The following GADD45B variants were observed in gnomAD, a reference collection of about 807,000 sequenced individuals.
The protein encoded by GADD45B is growth arrest and DNA damage-inducible protein GADD45 beta.
GADD45B carries 8 observed loss-of-function variants against 15.2 expected under a neutral mutation model. That is an observed-to-expected ratio of 0.53 (90% CI 0.31 to 0.95). The LOEUF (loss-of-function observed/expected upper bound fraction) is 0.95. Ranked by LOEUF, GADD45B falls within the 40% of genes least tolerant of loss-of-function variation. The probability of loss-of-function intolerance (pLI) is 0.05; values close to 1 mark genes in which losing one functional copy is unlikely to be tolerated. For missense variants in GADD45B, 162 were observed against 216.6 expected, an observed-to-expected ratio of 0.75 and a Z score of 1.58; for synonymous variants, 100 against 89.8, an observed-to-expected ratio of 1.11 and a Z score of -0.64.
At chr19:2,476,977 T>C (rs1419966779) in intron 2 of GADD45B, 52 bp from the exon 3 acceptor site, 1 of 1,216,888 alleles carries the variant, frequency 8.2e-7, no homozygotes, top group Admixed American at 1.8e-5. Flanking sequence ...CCCTGCACGG[T>C]GGCCCCTCCC....
At chr19:2,476,474 C>T (rs1568217150) in intron 1 of GADD45B, 55 bp from the exon 2 acceptor site, 1 of 1,598,448 alleles carries the variant, frequency 6.3e-7, no homozygotes, top group Non-Finnish European at 8.6e-7. Flanking sequence ...GGGCCGGGAG[C>T]GGAACGTAGC....
Position 2,477,597 on chromosome 19 carries a change from G to A in GADD45B, c.479G>A (p.Arg160His). The A allele has an allele frequency of 1.3e-6, 2 of 1,562,930 alleles. No homozygotes were observed. The highest frequency in any genetic ancestry group is 1.8e-6 in the Non-Finnish European group (2 of 1,133,762). The change falls in exon 4 of 4, where the codon CGC (arginine) becomes CAC (histidine). Residue 160 changes from arginine (R) to histidine (H), a missense_variant. Coordinates refer to ENST00000215631, the MANE Select transcript of GADD45B (RefSeq NM_015675.4). This position sits in a 1 kb window ranked among gnomAD's most constrained non-coding sequence, Gnocchi z 4.2. ...QWVPYISLQE[R>H] ...GTCCCCTACATCTCTCTTCAGGAAC[G>A]CTGAGGCCCTTCCCAGCAGCAGAAT...
intron 1 of GADD45B, 50 bp downstream of exon 1, chr19:2,476,452 T>C: frequency 6.4e-7 from 1 of 1,572,834 alleles, no homozygotes; most frequent in Non-Finnish European, 8.7e-7. Flanking sequence ...ACGGGATGGG[T>C]CGGGTTGGGC....
In GADD45B at chr19:2,476,608, G is replaced by A; in HGVS notation, c.124G>A (p.Glu42Lys). The change falls in exon 2 of 4, where the codon GAG becomes AAG. Residue 42 changes from glutamate (E) to lysine (K), a missense_variant. Coordinates refer to ENST00000215631, the MANE Select transcript of GADD45B (RefSeq NM_015675.4). The part of the protein sequence containing the change: ...RQDRLTVGVY[E>K]SAKLMNVDPD... ...GGATCGCCTCACAGTGGGGGTGTAC[G>A]AGTCGGCCAAGTTGATGAATGTGTG... is the stretch of plus-strand genomic sequence containing the variant. 6.3e-7 allele frequency: 1 copy of A among 1,582,018 alleles called. No individual in the cohort carries two copies. The highest frequency in any genetic ancestry group is 8.6e-7 in the Non-Finnish European group (1 of 1,160,666).
rs1280392858 is a variant in GADD45B, at chr19:2,476,128, G to T, written c.-231G>T. On this transcript the variant is annotated 5_prime_UTR_variant, in exon 1 of 4. Coordinates refer to ENST00000215631, the MANE Select transcript of GADD45B (RefSeq NM_015675.4). ...GTCGGTGCCGGAGGCTCCCAGCTCA[G>T]ATCGCCGAAGCGTCGGACTACCGTT... The T allele has an allele frequency of 5.0e-6, 3 of 596,808 alleles. No homozygotes were observed. The highest frequency in any genetic ancestry group is 3.7e-5 in the African/African-American group (2 of 53,820). The allele number at this position is 596,808 out of a possible 1,614,324, so 37.0% of individuals were successfully genotyped here.
At position 2,477,833 on chromosome 19, in the gene GADD45B, G is replaced by C. The variant is rs3783505; in HGVS notation, c.*232G>C. The C allele has an allele frequency of 5.0e-4, 198 of 397,394 alleles. No homozygotes were observed. The highest frequency in any genetic ancestry group is 8.3e-4 in the Non-Finnish European group (176 of 212,498). 24.6% of individuals were successfully genotyped at this position (397,394 alleles called of 1,614,324 possible). A position where few individuals can be genotyped will look rare whatever the true frequency, so the allele number is the denominator to read the frequency against. ...GGCGGCCGCCGATCCGATGGAGAAGGGGGGACCCAGGCCAGCAGGAGACAG... is the reference window on the plus strand; with the variant it reads ...GGCGGCCGCCGATCCGATGGAGAAGCGGGGACCCAGGCCAGCAGGAGACAG... On this transcript the variant is annotated 3_prime_UTR_variant, in exon 4 of 4. Coordinates refer to ENST00000215631, the MANE Select transcript of GADD45B (RefSeq NM_015675.4). This position sits in a 1 kb window ranked among gnomAD's most constrained non-coding sequence, Gnocchi z 4.2.
At chr19:2,476,662 G>T (rs562399667) in intron 2 of GADD45B, 32 bp downstream of exon 2, 64 of 1,318,444 alleles carry the variant, frequency 4.9e-5, no homozygotes, top group Non-Finnish European at 6.4e-5. Context: ...GGCTGGGCGC[G>T]GGTGGGACGG....
chr19:2,476,283 C>T lies in GADD45B; in HGVS notation c.-76C>T. On this transcript the variant is annotated 5_prime_UTR_variant, in exon 1 of 4. Transcript: ENST00000215631. ...TCTAGCTCTGTGGGAAGGTTTTGGG[C>T]TCTCTGGCTCGGATTTTGCAATTTC... The T allele has an allele frequency of 2.1e-6, 3 of 1,428,490 alleles. No homozygotes were observed. In the Admixed American group the frequency reaches 5.0e-5, roughly 24 times the overall value. The allele number at this position is 1,428,490 out of a possible 1,614,324, so 88.5% of individuals were successfully genotyped here.
rs1251297240 is a variant in GADD45B, at chr19:2,476,259, C to G, written c.-100C>G. The G allele has an allele frequency of 8.7e-7, 1 of 1,143,600 alleles. No homozygotes were observed. The highest frequency in any genetic ancestry group is 1.3e-6 in the Non-Finnish European group (1 of 753,502). The allele number at this position is 1,143,600 out of a possible 1,614,324, so 70.8% of individuals were successfully genotyped here. On this transcript the variant is annotated 5_prime_UTR_variant, in exon 1 of 4. Coordinates refer to ENST00000215631, the MANE Select transcript of GADD45B (RefSeq NM_015675.4). ...TTCCCGAAGGTCTTGGACGAGCGCT[C>G]TAGCTCTGTGGGAAGGTTTTGGGCT...
rs1032905696 is a variant in GADD45B at position 2,476,963 on chromosome 19, C to T, written c.147-66C>T. 1.0e-5 allele frequency: 11 copies of T among 1,050,576 alleles called. No homozygotes were observed. In the Admixed American group the frequency reaches 2.0e-4, roughly 19 times the overall value. The allele number at this position is 1,050,576 out of a possible 1,614,324, so 65.1% of individuals were successfully genotyped here. Reference sequence around the variant, plus strand: ...CTCTTGCACGCTCCTTTTTTGCAAACTCCCCCTGCACGGTGGCCCCTCCCC... The same window carrying T: ...CTCTTGCACGCTCCTTTTTTGCAAATTCCCCCTGCACGGTGGCCCCTCCCC... On this transcript the variant is annotated intron_variant, in intron 2 of 3. Coordinates refer to ENST00000215631, the MANE Select transcript of GADD45B (RefSeq NM_015675.4).
At chr19:2,476,488 C>T (rs753595292) in intron 1 of GADD45B, 41 bp from the exon 2 acceptor site, 108 of 1,597,924 alleles carry the variant, frequency 6.8e-5, no homozygotes, top group Non-Finnish European at 8.8e-5. Flanking sequence ...ACGTAGCACC[C>T]GGTGGTCCGC....
chr19:2,476,958 G>A, intron 2 of GADD45B, 71 bp from the exon 3 acceptor site: 1 of 978,592 alleles, frequency 1.0e-6, no homozygotes. Flanking sequence ...CTCCTTTTTT[G>A]CAAACTCCCC....
At chr19:2,476,766 C>T (rs2144695232) in intron 2 of GADD45B, 136 bp downstream of exon 2, 2 of 640,822 alleles carry the variant, frequency 3.1e-6, no homozygotes, top group Non-Finnish European at 5.4e-6. Flanking sequence ...CAGAGCTTCT[C>T]TGCCGTTTTG....
At position 2,476,452 on chromosome 19, in the gene GADD45B, T is replaced by TCGGGTTGGGC. The variant is rs766638467; in HGVS notation, c.44+55_45-63dup. Reference sequence around the variant, plus strand: ...CTGAGGTCAGCCGGGACGGGATGGGTCGGGTTGGGCCGGGCCGGGAGCGGA... The same window carrying TCGGGTTGGGC: ...CTGAGGTCAGCCGGGACGGGATGGGTCGGGTTGGGCCGGGTTGGGCCGGGCCGGGAGCGGA... On this transcript the variant is annotated intron_variant, in intron 1 of 3. Transcript: ENST00000215631. 1.1e-5 allele frequency: 18 copies of TCGGGTTGGGC among 1,572,834 alleles called. No individual in the cohort carries two copies. The African/African-American group carries it at 2.4e-4, about 21-fold the overall frequency.
In GADD45B at chr19:2,477,040, G is replaced by A; in HGVS notation, c.158G>A (p.Ser53Asn). 1 of 1,612,600 alleles carries A rather than the reference G, an allele frequency of 6.2e-7. No homozygotes were observed. The highest frequency in any genetic ancestry group is 8.5e-7 in the Non-Finnish European group (1 of 1,178,898). ...SAKLMNVDPD[S>N]VVLCLLAIDE... ...TTTGGCCCCCTCAGGGACCCAGACA[G>A]CGTGGTCCTCTGCCTCTTGGCCATT... Residue 53 changes from serine to asparagine, a missense_variant, in exon 3 of 4, where the codon AGC (serine) becomes AAC (asparagine). By Grantham distance (46) the Ser-to-Asn change is conservative. Transcript: ENST00000215631. This position sits in a 1 kb window ranked among gnomAD's most constrained non-coding sequence, Gnocchi z 4.2.
In GADD45B at chr19:2,477,743, TGAAGAG is replaced by T. The variant is rs953685899; in HGVS notation, c.*151_*156del. ...CATCGGGGGCAGAGTCGTTGGAGAC[TGAAGAG>T]GAAGAGGAGGAGGAGAAGGGGAGTG... On this transcript the variant is annotated 3_prime_UTR_variant, in exon 4 of 4. Coordinates refer to ENST00000215631, the MANE Select transcript of GADD45B (RefSeq NM_015675.4). This position sits in a 1 kb window ranked among gnomAD's most constrained non-coding sequence, Gnocchi z 4.2. The T allele has an allele frequency of 8.5e-6, 4 of 468,752 alleles. No homozygotes were observed. Among genetic ancestry groups the T allele is most frequent in the Admixed American group, 3.5e-5 (1 of 28,944 alleles). The allele number at this position is 468,752 out of a possible 1,614,324, so 29.0% of individuals were successfully genotyped here.
chr19:2,477,868 A>C lies in GADD45B; in HGVS notation c.*267A>C. On this transcript the variant is annotated 3_prime_UTR_variant, in exon 4 of 4. Coordinates refer to ENST00000215631, the MANE Select transcript of GADD45B (RefSeq NM_015675.4). This position sits in a 1 kb window ranked among gnomAD's most constrained non-coding sequence, Gnocchi z 4.2. ...GGCCAGCAGGAGACAGGACCCCCGA[A>C]GCTGAGGCCTTGGGATGGAGCAGAA... The C allele has an allele frequency of 3.2e-6, 1 of 314,846 alleles. No homozygotes were observed. The allele number at this position is 314,846 out of a possible 1,614,324, so 19.5% of individuals were successfully genotyped here. A position where few individuals can be genotyped will look rare whatever the true frequency, so the allele number is the denominator to read the frequency against.
chr19:2,476,982 C>T lies in GADD45B; in HGVS notation c.147-47C>T, dbSNP rs192082242. The T allele has an allele frequency of 1.9e-4, 252 of 1,310,600 alleles. 2 individuals carry two copies. In the African/African-American group the frequency reaches 3.3e-3, roughly 17 times the overall value. 81.2% of individuals were successfully genotyped at this position (1,310,600 alleles called of 1,614,324 possible). A position where few individuals can be genotyped will look rare whatever the true frequency, so the allele number is the denominator to read the frequency against. On this transcript the variant is annotated intron_variant, in intron 2 of 3. Transcript: ENST00000215631. ...TGCAAACTCCCCCTGCACGGTGGCCCCTCCCCTGTCCCCGGCTGACCCATC... is the reference window on the plus strand; with the variant it reads ...TGCAAACTCCCCCTGCACGGTGGCCTCTCCCCTGTCCCCGGCTGACCCATC...
rs978248982 is a variant in GADD45B at position 2,477,939 on chromosome 19, C to A, written c.*338C>A. Reference sequence around the variant, plus strand: ...TGCCGCCTTCCCCATCACGGAGGGTCCAGACTGTCCACTCGGGGGTGGAGT... The same window carrying A: ...TGCCGCCTTCCCCATCACGGAGGGTACAGACTGTCCACTCGGGGGTGGAGT... On this transcript the variant is annotated 3_prime_UTR_variant, in exon 4 of 4. Coordinates refer to ENST00000215631, the MANE Select transcript of GADD45B (RefSeq NM_015675.4). This position sits in a 1 kb window ranked among gnomAD's most constrained non-coding sequence, Gnocchi z 4.2. 1.8e-5 allele frequency: 4 copies of A among 216,968 alleles called. No homozygotes were observed. Among genetic ancestry groups the A allele is most frequent in the Non-Finnish European group, 2.9e-5 (3 of 103,810 alleles). The allele number at this position is 216,968 out of a possible 1,614,324, so 13.4% of individuals were successfully genotyped here.
Sources: gnomAD v4.1 joint callset for allele counts on GRCh38, gnomAD v4.1.1 for gene constraint, Gnocchi (gnomAD v3.1) non-coding constraint, MANE v1.5 for transcripts, NCBI Gene and HGNC (gene_info 2026-07-23, HGNC 2026-07-21) for gene names.